Variants in CACNA1I observed in about 807,000 individuals in gnomAD.
CACNA1I encodes voltage-dependent T-type calcium channel subunit alpha-1I.
CACNA1I carries 74 observed loss-of-function variants against 201.6 expected under a neutral mutation model. The observed-to-expected ratio is 0.37, with a 90% CI of 0.30 to 0.45. CACNA1I has a LOEUF of 0.45. Among genes scored for constraint, CACNA1I ranks in the 20% least tolerant of loss-of-function variants. CACNA1I has a pLI of 1.00. For synonymous variants in CACNA1I, 1,431 were observed against 1,345.2 expected (o/e 1.06, Z -1.40); for missense variants, 2,346 against 3,138.1 (o/e 0.75, Z 6.03).
At chr22:39,654,950 C>T (rs1237766165) in intron 10 of CACNA1I, among the ~76,000 whole-genome samples, 2 of 152,078 alleles carry the variant, frequency 1.3e-5, no homozygotes, top group Non-Finnish European at 2.9e-5. Flanking sequence ...GCAAATGACA[C>T]ATTTGTGCTG....
chr22:39,681,923 C>A (rs1202805678), intron 34 of CACNA1I, among the ~76,000 whole-genome samples: 1 of 152,162 alleles, frequency 6.6e-6, no homozygotes, highest in Non-Finnish European at 1.5e-5. Flanking sequence ...CAAAGGATAT[C>A]AGGATGCACA....
At chr22:39,607,551 G>T (rs1933255775) in intron 3 of CACNA1I, among the ~76,000 whole-genome samples, 1 of 152,234 alleles carries the variant, frequency 6.6e-6, no homozygotes, top group Admixed American at 6.5e-5. Flanking sequence ...GAAAGGTACA[G>T]GTCATGATTC....
intron 28 of CACNA1I, among the ~76,000 whole-genome samples, chr22:39,673,361 C>T (rs1184198212): frequency 3.3e-5 from 5 of 152,280 alleles, no homozygotes; most frequent in African/African-American, 9.6e-5. Flanking sequence ...GACGCCATGA[C>T]CCATGGGGTC....
chr22:39,658,849 C>T lies in CACNA1I; in HGVS notation c.2145-82C>T, dbSNP rs1044675060. ...TGGAAGCTCTGTCTCTCTGTTTTCC[C>T]TTCTCCCTCTGTCTTCCTCTCCCCC... On this transcript the variant is annotated intron_variant, in intron 11 of 36. Transcript: ENST00000402142. 7 of 1,201,160 alleles carry T rather than the reference C, an allele frequency of 5.8e-6. No individual in the cohort carries two copies. In the African/African-American group the frequency reaches 1.1e-4, roughly 18 times the overall value. 74.4% of individuals were successfully genotyped at this position (1,201,160 alleles called of 1,614,324 possible). A position where few individuals can be genotyped will look rare whatever the true frequency, so the allele number is the denominator to read the frequency against.
Position 39,660,325 on chromosome 22 carries a change from G to T in CACNA1I, c.2605-19G>T, listed in dbSNP as rs61457116. The T allele has an allele frequency of 6.2e-7, 1 of 1,600,560 alleles. No individual in the cohort carries two copies. The highest frequency in any genetic ancestry group is 1.3e-5 in the African/African-American group (1 of 74,598). ...GAGCTGGACTGACCTGCATTCTAAC[G>T]TGACGGATGCTCTCCCAGGGTGACG... is the stretch of plus-strand genomic sequence containing the variant. On this transcript the variant is annotated intron_variant, in intron 14 of 36. Coordinates refer to ENST00000402142, the MANE Select transcript of CACNA1I (RefSeq NM_021096.4).
At chr22:39,632,515 GAC>G (rs1484364081) in intron 4 of CACNA1I, among the ~76,000 whole-genome samples, 1 of 148,544 alleles carries the variant, frequency 6.7e-6, no homozygotes, top group Admixed American at 6.7e-5. Context: ...CCACTCCCCA[GAC>G]ACAGTCCTTT....
Position 39,662,401 on chromosome 22 carries a change from G to A in CACNA1I, c.3338G>A (p.Gly1113Glu), listed in dbSNP as rs1935053464. The change falls in exon 17 of 37, where the codon GGG becomes GAG. Residue 1113 changes from glycine (G) to glutamate (E), a missense_variant. This residue lies in a region of CACNA1I where 288 missense variants were observed against 255.2 expected (regional missense o/e 1.13). Transcript: ENST00000402142. ...KDVFTKMGDR[G>E]DRGEDEEEID... ...GTCTTCACCAAGATGGGCGACCGCG[G>A]GGATCGCGGGGAGGATGAGGAGGAA... is the stretch of plus-strand genomic sequence containing the variant. 6.8e-7 allele frequency: 1 copy of A among 1,464,298 alleles called. No individual in the cohort carries two copies. Among genetic ancestry groups the A allele is most frequent in the Admixed American group, 2.7e-5 (1 of 36,968 alleles). The allele number at this position is 1,464,298 out of a possible 1,614,324, so 90.7% of individuals were successfully genotyped here. A position where few individuals can be genotyped will look rare whatever the true frequency, so the allele number is the denominator to read the frequency against.
chr22:39,686,304 C>T lies in CACNA1I; in HGVS notation c.6571C>T (p.Arg2191Trp). The part of the protein sequence containing the change: ...AADRSKDPPG[R>W]APLPMGLGPL... The stretch of plus-strand genomic sequence containing the variant: ...GGACCGCAGCAAGGACCCCCCCGGC[C>T]GGGCACCGCTGCCCATGGGCCTGGG... The change falls in exon 37 of 37, where the codon CGG becomes TGG. Residue 2191 changes from arginine to tryptophan, a missense_variant. Arg to Trp is a moderately radical substitution (Grantham distance 101). Coordinates refer to ENST00000402142, the MANE Select transcript of CACNA1I (RefSeq NM_021096.4). The T allele has an allele frequency of 7.5e-7, 1 of 1,329,412 alleles. No individual in the cohort carries two copies. Among genetic ancestry groups the T allele is most frequent in the East Asian group, 3.2e-5 (1 of 30,844 alleles). 82.4% of individuals were successfully genotyped at this position (1,329,412 alleles called of 1,614,324 possible). A position where few individuals can be genotyped will look rare whatever the true frequency, so the allele number is the denominator to read the frequency against.
intron 1 of CACNA1I, among the ~76,000 whole-genome samples, chr22:39,591,926 C>T (rs150427095): frequency 8.8e-4 from 134 of 152,342 alleles, no homozygotes; most frequent in African/African-American, 3.1e-3. Flanking sequence ...GAAGTGTTCG[C>T]GATTGTCACC....
intron 3 of CACNA1I, among the ~76,000 whole-genome samples, chr22:39,602,675 G>A (rs887373959): frequency 6.6e-6 from 1 of 152,072 alleles, no homozygotes; most frequent in Admixed American, 6.5e-5. Context: ...TCAGAACACT[G>A]CACACATCCT....
In CACNA1I at chr22:39,646,682, C is replaced by A; in HGVS notation, c.1263C>A (p.Ser421=). The A allele has an allele frequency of 6.3e-7, 1 of 1,587,102 alleles. No homozygotes were observed. The highest frequency in any genetic ancestry group is 2.3e-5 in the East Asian group (1 of 43,244). The part of the protein sequence containing the change: ...LMLEQRQRYL[S]SSTVASYAEP... ...TGGAGCAGCGGCAGCGCTACCTGTC[C>A]TCCAGCACGGTGGCCAGCTACGCCG... Residue 421 remains serine, a synonymous_variant, in exon 8 of 37, where the codon TCC becomes TCA. Coordinates refer to ENST00000402142, the MANE Select transcript of CACNA1I (RefSeq NM_021096.4).
rs1232302192 is a variant in CACNA1I at position 39,648,307 on chromosome 22, G to A, written c.1567+381G>A. On this transcript the variant is annotated intron_variant, in intron 9 of 36. Coordinates refer to ENST00000402142, the MANE Select transcript of CACNA1I (RefSeq NM_021096.4). This position sits in a 1 kb window ranked among gnomAD's most constrained non-coding sequence, Gnocchi z 5.4. ...GCAGGCCCGGCATGCGGACACAGGAGCTGGGGCCGGGCAAGGCTGGCACTG... is the reference window on the plus strand; with the variant it reads ...GCAGGCCCGGCATGCGGACACAGGAACTGGGGCCGGGCAAGGCTGGCACTG... 1.3e-5 allele frequency among the ~76,000 whole-genome samples: 2 copies of A among 152,176 alleles called. No homozygotes were observed. The highest frequency in any genetic ancestry group is 2.4e-5 in the African/African-American group (1 of 41,448).
At position 39,677,502 on chromosome 22, in the gene CACNA1I, C is replaced by A; in HGVS notation, c.4933+83C>A. On this transcript the variant is annotated intron_variant, in intron 30 of 36. Transcript: ENST00000402142. The surrounding 1 kb of genome is among the most constrained non-coding windows in gnomAD (Gnocchi z 4.8). The stretch of plus-strand genomic sequence containing the variant: ...TGGGGGGGCGGGGGAGGCCTGAGAC[C>A]CCTGAGCCCGTCACATCAGGGTCTT... 1 of 943,500 alleles carries A rather than the reference C, an allele frequency of 1.1e-6. No individual in the cohort carries two copies. Among genetic ancestry groups the A allele is most frequent in the Non-Finnish European group, 1.6e-6 (1 of 643,608 alleles). 58.4% of individuals were successfully genotyped at this position (943,500 alleles called of 1,614,324 possible). A position where few individuals can be genotyped will look rare whatever the true frequency, so the allele number is the denominator to read the frequency against.
rs368361255 is a variant in CACNA1I, at chr22:39,640,910, G to T, written c.784G>T (p.Asp262Tyr). 98 of 1,613,728 alleles carry T rather than the reference G, an allele frequency of 6.1e-5. 1 individual carries two copies. Among genetic ancestry groups the T allele is most frequent in the Admixed American group, 3.2e-4 (19 of 59,964 alleles). ...GCCCCCATACTACCAGCCGGAGGAGGATGATGAGATGCCCTTCATCTGCTC... is the reference window on the plus strand; with the variant it reads ...GCCCCCATACTACCAGCCGGAGGAGTATGATGAGATGCCCTTCATCTGCTC... ...ALPPYYQPEE[D>Y]DEMPFICSLS... is the part of the protein sequence containing the mutation. The change falls in exon 6 of 37, where the codon GAT becomes TAT. Residue 262 changes from aspartate to tyrosine, a missense_variant. Physicochemically the swap from Asp to Tyr is radical, Grantham distance 160. Transcript: ENST00000402142.
In CACNA1I at chr22:39,679,710, C is replaced by T. The variant is rs1326679035; in HGVS notation, c.5395-12C>T. ...AATCCCGCCTGTCCCCACCCCGTCCCCGTCCGCCTAGGAGAACCTGTGGCT... is the reference window on the plus strand; with the variant it reads ...AATCCCGCCTGTCCCCACCCCGTCCTCGTCCGCCTAGGAGAACCTGTGGCT... On this transcript the variant is annotated splice_polypyrimidine_tract_variant and intron_variant, in intron 32 of 36. Transcript: ENST00000402142. 7.5e-6 allele frequency: 12 copies of T among 1,606,998 alleles called. No individual in the cohort carries two copies. The South Asian group carries it at 1.2e-4, about 16-fold the overall frequency.
intron 10 of CACNA1I, among the ~76,000 whole-genome samples, chr22:39,651,229 G>A (rs148085155): frequency 7.2e-5 from 11 of 152,158 alleles, no homozygotes; most frequent in Admixed American, 2.6e-4. Flanking sequence ...CTGACGCCCC[G>A]GGAGGGCTTG....
chr22:39,580,905 G>A (rs1932526441), intron 1 of CACNA1I, among the ~76,000 whole-genome samples: 2 of 152,220 alleles, frequency 1.3e-5, no homozygotes, highest in South Asian at 4.1e-4. Flanking sequence ...CTATGTGTTG[G>A]ACACTGGTCT....
At chr22:39,578,001 TGCTGAGTGGCA>T (rs1052062805) in intron 1 of CACNA1I, among the ~76,000 whole-genome samples, 3 of 151,844 alleles carry the variant, frequency 2.0e-5, no homozygotes, top group Admixed American at 6.5e-5. Context: ...ACAAACTAAG[TGCTGAGTGGCA>T]GCTGTGTGTA....
Position 39,670,782 on chromosome 22 carries a change from CT to C in CACNA1I, c.4388-20del, listed in dbSNP as rs956490420. 1 of 1,613,512 alleles carries C rather than the reference CT, an allele frequency of 6.2e-7. No homozygotes were observed. The highest frequency in any genetic ancestry group is 8.5e-7 in the Non-Finnish European group (1 of 1,179,680). Reference sequence around the variant, plus strand: ...CCCCAACCCTCTGTGGTCTTTGCCACTCCCCCTGCACCACCTGCAGAGGCCC... The same window carrying C: ...CCCCAACCCTCTGTGGTCTTTGCCACCCCCCTGCACCACCTGCAGAGGCCC... On this transcript the variant is annotated intron_variant, in intron 25 of 36. Coordinates refer to ENST00000402142, the MANE Select transcript of CACNA1I (RefSeq NM_021096.4).
Sources: gnomAD v4.1 joint callset for allele counts (sites outside exome capture counted in the v4.1 genomes callset) on GRCh38, gnomAD v4.1.1 for gene constraint, gnomAD v4.1.1 regional missense constraint, Gnocchi (gnomAD v3.1) non-coding constraint, MANE v1.5 for transcripts, NCBI Gene and HGNC (gene_info 2026-07-23, HGNC 2026-07-21) for gene names.